DNAJC1: variants seen among roughly 807,000 people sequenced by gnomAD.
DNAJC1 encodes DnaJ heat shock protein family (Hsp40) member C1.
In DNAJC1, 58 loss-of-function variants were observed where a neutral mutation model predicts 76.6. That is an observed-to-expected ratio of 0.76 (90% CI 0.61 to 0.94). The LOEUF (loss-of-function observed/expected upper bound fraction) is 0.94. DNAJC1 is among the 40% of genes least tolerant of loss of function. DNAJC1 has a pLI of 0.00. For synonymous variants in DNAJC1, 258 were observed against 267.9 expected, an observed-to-expected ratio of 0.96 and a Z score of 0.36; for missense variants, 689 against 677.3, an observed-to-expected ratio of 1.02 and a Z score of -0.19.
chr10:21,904,562 C>G lies in DNAJC1; in HGVS notation c.780G>C (p.Lys260Asn). ...GTTCAGTTCTAGTCAGTGCATCTTC[C>G]TTTTCCTTCAATCTTGTTTCTTTAT... Reference protein sequence around the residue: ...AKYKETRLKEKEDALTRTELE... With the variant: ...AKYKETRLKENEDALTRTELE... Residue 260 changes from lysine (K) to asparagine (N), a missense_variant, in exon 7 of 12, where the codon AAG becomes AAC. Physicochemically the swap from Lys to Asn is moderately conservative, Grantham distance 94 (BLOSUM62 0). Coordinates refer to ENST00000376980, the MANE Select transcript of DNAJC1 (RefSeq NM_022365.4). 1 of 1,607,280 alleles carries G rather than the reference C, an allele frequency of 6.2e-7. No individual in the cohort carries two copies. Among genetic ancestry groups the G allele is most frequent in the Middle Eastern group, 1.7e-4 (1 of 6,034 alleles).
chr10:21,901,408 ACATAT>A lies in DNAJC1; in HGVS notation c.820+3109_820+3113del, dbSNP rs1354861398. On this transcript the variant is annotated intron_variant, in intron 7 of 11. Transcript: ENST00000376980. ...TTCTCTTTTATTAATTTAGAATAAA[ACATAT>A]CATTAGAGAATGTGTAAAAAATCAT... is the stretch of plus-strand genomic sequence containing the variant. Among the ~76,000 whole-genome samples the A allele has an allele frequency of 2.6e-5, 4 of 152,206 alleles. No homozygotes were observed. In the East Asian group the frequency reaches 7.7e-4, roughly 29 times the overall value.
At chr10:21,893,802 AGAAG>A (rs1564819702) in intron 7 of DNAJC1, among the ~76,000 whole-genome samples, 1 of 151,878 alleles carries the variant, frequency 6.6e-6, no homozygotes, top group African/African-American at 2.4e-5. Context: ...AAAAGCAAGC[AGAAG>A]GAAGGAAGTA....
intron 3 of DNAJC1, among the ~76,000 whole-genome samples, chr10:21,925,345 T>A (rs1385304192): frequency 6.6e-6 from 1 of 152,114 alleles, no homozygotes; most frequent in Non-Finnish European, 1.5e-5. Flanking sequence ...TTGAGTCAAA[T>A]GCCATTATGC....
chr10:21,850,691 A>C (rs1014514819), intron 8 of DNAJC1, among the ~76,000 whole-genome samples: 1 of 152,122 alleles, frequency 6.6e-6, no homozygotes, highest in Non-Finnish European at 1.5e-5. Flanking sequence ...ATTAATTAAA[A>C]TCTCAAGGAA....
intron 7 of DNAJC1, among the ~76,000 whole-genome samples, chr10:21,903,339 G>A (rs1401500137): frequency 1.3e-5 from 2 of 152,154 alleles, no homozygotes; most frequent in East Asian, 1.9e-4. Flanking sequence ...AATGACAAGA[G>A]TTTCATTTGC....
At chr10:21,859,184 C>A (rs540591611) in intron 8 of DNAJC1, among the ~76,000 whole-genome samples, 1 of 152,254 alleles carries the variant, frequency 6.6e-6, no homozygotes, top group Non-Finnish European at 1.5e-5. Context: ...CTTCCAAGAA[C>A]TTAAGAAGGT....
At chr10:21,998,195 G>C (rs763808659) in intron 1 of DNAJC1, among the ~76,000 whole-genome samples, 3 of 151,594 alleles carry the variant, frequency 2.0e-5, no homozygotes, top group Non-Finnish European at 4.4e-5. Context: ...GTGCAAGATC[G>C]GCCTGACCAA....
chr10:21,810,574 A>T (rs767932185), intron 8 of DNAJC1, among the ~76,000 whole-genome samples: 4 of 152,228 alleles, frequency 2.6e-5, no homozygotes, highest in Non-Finnish European at 4.4e-5. Context: ...TTTGGCACTA[A>T]CAAATTGCCT....
chr10:21,926,353 T>A (rs1343186118), intron 3 of DNAJC1, among the ~76,000 whole-genome samples: 1 of 152,116 alleles, frequency 6.6e-6, no homozygotes, highest in African/African-American at 2.4e-5. Flanking sequence ...AAATAATGCA[T>A]CTGATTTCAG....
chr10:21,830,697 TG>T (rs1229165794), intron 8 of DNAJC1, among the ~76,000 whole-genome samples: 1 of 152,220 alleles, frequency 6.6e-6, no homozygotes, highest in African/African-American at 2.4e-5. Context: ...CTTTCTGAAA[TG>T]TATTAAACAT....
At chr10:21,874,962 C>T (rs1218609470) in intron 8 of DNAJC1, among the ~76,000 whole-genome samples, 2 of 152,052 alleles carry the variant, frequency 1.3e-5, no homozygotes, top group Non-Finnish European at 2.9e-5. Flanking sequence ...CTCACTACAA[C>T]CTCTGCCTCC....
intron 8 of DNAJC1, among the ~76,000 whole-genome samples, chr10:21,872,434 T>C (rs944151009): frequency 1.3e-5 from 2 of 152,048 alleles, no homozygotes; most frequent in Non-Finnish European, 2.9e-5. Flanking sequence ...TAAATGAAAG[T>C]ATGGGAACAA....
At chr10:21,990,717 T>C (rs1369086552) in intron 1 of DNAJC1, among the ~76,000 whole-genome samples, 1 of 152,166 alleles carries the variant, frequency 6.6e-6, no homozygotes, top group African/African-American at 2.4e-5. Flanking sequence ...CAGGACTCTA[T>C]TGTCAGTTTT....
chr10:21,786,281 A>G (rs1834606220), intron 9 of DNAJC1, among the ~76,000 whole-genome samples: 2 of 151,930 alleles, frequency 1.3e-5, no homozygotes, highest in African/African-American at 4.8e-5. Flanking sequence ...GAGTAATTCC[A>G]GATCATACAT....
At chr10:21,827,520 G>T (rs1031028344) in intron 8 of DNAJC1, among the ~76,000 whole-genome samples, 2 of 152,164 alleles carry the variant, frequency 1.3e-5, no homozygotes, top group African/African-American at 2.4e-5. Context: ...GTTCCTTTTG[G>T]AGGCTCTGAG....
At chr10:21,961,915 T>G (rs1219157348) in intron 1 of DNAJC1, among the ~76,000 whole-genome samples, 2 of 152,144 alleles carry the variant, frequency 1.3e-5, no homozygotes, top group Non-Finnish European at 2.9e-5. Flanking sequence ...TCATGTTCCC[T>G]GAACACTTTG....
At chr10:21,857,653 T>C (rs1240876674) in intron 8 of DNAJC1, among the ~76,000 whole-genome samples, 3 of 152,276 alleles carry the variant, frequency 2.0e-5, no homozygotes, top group African/African-American at 7.2e-5. Flanking sequence ...ACCATCAGTA[T>C]TTATAAAAGG....
intron 8 of DNAJC1, among the ~76,000 whole-genome samples, chr10:21,827,621 A>G (rs1274346690): frequency 6.6e-6 from 1 of 152,146 alleles, no homozygotes; most frequent in Admixed American, 6.5e-5. Flanking sequence ...CTGCGTCATC[A>G]TATGGCCTTT....
intron 9 of DNAJC1, among the ~76,000 whole-genome samples, chr10:21,794,509 T>C (rs1834731496): frequency 6.6e-6 from 1 of 151,962 alleles, no homozygotes; most frequent in Non-Finnish European, 1.5e-5. Flanking sequence ...CAAATGAACA[T>C]CCATGAGCAA....
Sources: allele counts gnomAD v4.1 joint callset (sites outside exome capture counted in the v4.1 genomes callset), GRCh38; gene constraint gnomAD v4.1.1; transcripts MANE v1.5; gene names NCBI Gene and HGNC (gene_info 2026-07-23, HGNC 2026-07-21).